The following PXYLP1 variants were observed in gnomAD, a reference collection of about 807,000 sequenced individuals.
PXYLP1 encodes the protein acid phosphatase-like 2.
In PXYLP1, 17 loss-of-function variants were observed where a neutral mutation model predicts 37.9. The observed-to-expected ratio is 0.45, with a 90% CI of 0.31 to 0.67. The LOEUF is 0.67. PXYLP1 is among the 30% of genes least tolerant of loss of function. The pLI, the probability that PXYLP1 is intolerant of heterozygous loss-of-function variation, is 0.07. For synonymous variants in PXYLP1, 221 were observed against 232.2 expected (o/e 0.95, Z 0.44); for missense variants, 511 against 612.0 (o/e 0.84, Z 1.74).
intron 4 of PXYLP1, among the ~76,000 whole-genome samples, chr3:141,280,076 AGT>A (rs1177966726): frequency 3.3e-5 from 5 of 152,202 alleles, no homozygotes; most frequent in Non-Finnish European, 7.3e-5. Context: ...AATTGAACAG[AGT>A]GTGGAAATTG....
rs1317334674 is a variant in PXYLP1, at chr3:141,248,776, TAC to T, written c.-53-11342_-53-11341del. On this transcript the variant is annotated intron_variant, in intron 1 of 5. Coordinates refer to ENST00000286353, the MANE Select transcript of PXYLP1 (RefSeq NM_001037172.3). ...ATATATATACACACACGTGTATATA[TAC>T]ACACGTATATATATACACACACGTG... Among the ~76,000 whole-genome samples the T allele has an allele frequency of 5.7e-5, 3 of 52,182 alleles. 1 individual carries two copies. The Admixed American group carries it at 5.9e-4, about 10-fold the overall frequency. 34.2% of individuals were successfully genotyped at this position (52,182 alleles called of 152,430 possible). A position where few individuals can be genotyped will look rare whatever the true frequency, so the allele number is the denominator to read the frequency against.
intron 4 of PXYLP1, among the ~76,000 whole-genome samples, chr3:141,280,249 A>T (rs567889346): frequency 1.3e-5 from 2 of 152,234 alleles, no homozygotes; most frequent in African/African-American, 4.8e-5. Flanking sequence ...TTTTGATGGA[A>T]TGCTTCTGGG....
intron 2 of PXYLP1, among the ~76,000 whole-genome samples, chr3:141,270,382 C>T (rs910423530): frequency 5.3e-5 from 8 of 152,216 alleles, no homozygotes; most frequent in Non-Finnish European, 8.8e-5. Flanking sequence ...TAAAAGCAGA[C>T]GATGAGAGGC....
At chr3:141,275,132 G>C (rs1941761978) in intron 2 of PXYLP1, among the ~76,000 whole-genome samples, 1 of 152,184 alleles carries the variant, frequency 6.6e-6, no homozygotes. Context: ...AGTACAGGGT[G>C]ATCTCACACT....
chr3:141,278,777 T>C (rs906842298), intron 3 of PXYLP1, among the ~76,000 whole-genome samples: 1 of 152,216 alleles, frequency 6.6e-6, no homozygotes, highest in African/African-American at 2.4e-5. Flanking sequence ...ATCATCATGA[T>C]CTTTAGTGAG....
intron 1 of PXYLP1, among the ~76,000 whole-genome samples, chr3:141,236,926 T>G (rs1940670785): frequency 1.3e-5 from 2 of 152,200 alleles, no homozygotes; most frequent in African/African-American, 4.8e-5. Flanking sequence ...TATAGATTAA[T>G]AAGTATATAA....
intron 2 of PXYLP1, chr3:141,274,482 C>A: frequency 6.6e-7 from 1 of 1,515,246 alleles, no homozygotes; most frequent in South Asian, 1.2e-5. Context: ...GTTTTTCAGG[C>A]CCAGCTAGGT....
intron 1 of PXYLP1, among the ~76,000 whole-genome samples, chr3:141,241,377 C>T (rs1336788149): frequency 2.0e-5 from 3 of 150,884 alleles, no homozygotes; most frequent in East Asian, 3.9e-4. Flanking sequence ...TGTCTCTCCA[C>T]CCAGCCCTGG....
chr3:141,289,224 G>A (rs1299881066), intron 5 of PXYLP1, among the ~76,000 whole-genome samples: 1 of 151,318 alleles, frequency 6.6e-6, no homozygotes. Context: ...TGTATTTCTG[G>A]AAAATTCAGT....
Position 141,271,836 on chromosome 3 carries a change from C to T in PXYLP1, c.80-6506C>T, listed in dbSNP as rs149798481. ...CTCATCCCTGGGCTAGTTAGCAAGG[C>T]GGAGACATGGTCCTGGAGGAGCAGC... On this transcript the variant is annotated intron_variant, in intron 2 of 5. Transcript: ENST00000286353. Among the ~76,000 whole-genome samples, 166 of 152,268 alleles carry T rather than the reference C, an allele frequency of 1.1e-3. 2 individuals are homozygous for T. Among genetic ancestry groups the T allele is most frequent in the East Asian group, 5.2e-3 (27 of 5,178 alleles).
At chr3:141,256,694 G>A (rs1229865948) in intron 1 of PXYLP1, among the ~76,000 whole-genome samples, 3 of 152,190 alleles carry the variant, frequency 2.0e-5, no homozygotes, top group Non-Finnish European at 2.9e-5. Context: ...AAGTTTTCTA[G>A]TGAAATGGGC....
chr3:141,257,698 T>C (rs143188082), intron 1 of PXYLP1, among the ~76,000 whole-genome samples: 1,658 of 152,138 alleles, frequency 0.011, 30 homozygotes, highest in African/African-American at 0.038. Flanking sequence ...GATCAGGAGT[T>C]CGAGACCAGC....
intron 1 of PXYLP1, among the ~76,000 whole-genome samples, chr3:141,257,810 A>C (rs1184047045): frequency 6.6e-6 from 1 of 150,530 alleles, no homozygotes; most frequent in Non-Finnish European, 1.5e-5. Context: ...AGGCTGAAGC[A>C]GGAGAATCAC....
intron 2 of PXYLP1, among the ~76,000 whole-genome samples, chr3:141,266,592 AGCTG>A (rs10575124): frequency 0.45 from 66,935 of 149,588 alleles, 16,943 homozygotes; most frequent in South Asian, 0.61. Context: ...TCAGGTGGGG[AGCTG>A]AGGAGGCCCC....
rs1559893343 is a variant in PXYLP1, at chr3:141,278,447, A to C, written c.185A>C (p.Tyr62Ser). Residue 62 changes from tyrosine to serine, a missense_variant, in exon 3 of 6, where the codon TAT becomes TCT. Coordinates refer to ENST00000286353, the MANE Select transcript of PXYLP1 (RefSeq NM_001037172.3). The part of the protein sequence containing the change: ...VTEPPVTDPV[Y>S]EALLYCNIPS... ...GAGCCCCCTGTGACAGACCCCGTTT[A>C]TGAAGCTCTTTTGTACTGCAACATC... is the stretch of plus-strand genomic sequence containing the variant. 1 of 1,614,216 alleles carries C rather than the reference A, an allele frequency of 6.2e-7. No homozygotes were observed. The highest frequency in any genetic ancestry group is 2.2e-5 in the East Asian group (1 of 44,884).
chr3:141,235,699 T>G (rs1940643836), intron 1 of PXYLP1: 2 of 152,268 alleles, frequency 1.3e-5, no homozygotes, highest in African/African-American at 2.4e-5. Context: ...CTGTGCAGCC[T>G]TGCAGGTAAA....
chr3:141,292,242 G>A lies in PXYLP1; in HGVS notation c.506-26G>A. The A allele has an allele frequency of 6.4e-7, 1 of 1,555,238 alleles. No homozygotes were observed. The highest frequency in any genetic ancestry group is 1.4e-5 in the African/African-American group (1 of 73,142). On this transcript the variant is annotated intron_variant, in intron 5 of 5. Transcript: ENST00000286353. This position sits in a 1 kb window ranked among gnomAD's most constrained non-coding sequence, Gnocchi z 4.3. ...TTTCTTTTGCTCAGCTGGAAGTAAG[G>A]TAAGCTTTGTGTGCTTGTGTTTCAG...
intron 2 of PXYLP1, chr3:141,274,689 C>T: frequency 1.4e-6 from 1 of 707,200 alleles, no homozygotes; most frequent in South Asian, 1.5e-5. Context: ...CGCACACTCC[C>T]AGCCCTCTGG....
intron 5 of PXYLP1, among the ~76,000 whole-genome samples, chr3:141,290,404 G>GCCT (rs1305765199): frequency 6.6e-6 from 1 of 152,172 alleles, no homozygotes; most frequent in Non-Finnish European, 1.5e-5. Flanking sequence ...TGTGTAGAGT[G>GCCT]CCTAGTGCAG....
Sources: gnomAD v4.1 joint callset for allele counts (sites outside exome capture counted in the v4.1 genomes callset) on GRCh38, gnomAD v4.1.1 for gene constraint, Gnocchi (gnomAD v3.1) non-coding constraint, MANE v1.5 for transcripts, NCBI Gene and HGNC (gene_info 2026-07-23, HGNC 2026-07-21) for gene names.